Variants in SLC44A5 observed in about 807,000 individuals in gnomAD.
SLC44A5 encodes the protein solute carrier family 44 member 5, also known as choline transporter-like protein 5.
SLC44A5 carries 57 observed loss-of-function variants against 101.8 expected under a neutral mutation model. That is an observed-to-expected ratio of 0.56 (90% CI 0.45 to 0.70). The LOEUF is 0.70. Among genes scored for constraint, SLC44A5 ranks in the 30% least tolerant of loss-of-function variants. SLC44A5 has a pLI of 0.00. For synonymous variants in SLC44A5, 281 were observed against 290.9 expected (o/e 0.97, Z 0.35); for missense variants, 737 against 853.1 (o/e 0.86, Z 1.70).
chr1:75,448,393 C>A (rs1665709661), intron 2 of SLC44A5, among the ~76,000 whole-genome samples: 1 of 152,050 alleles, frequency 6.6e-6, no homozygotes, highest in South Asian at 2.1e-4. Flanking sequence ...GAATGTTGGC[C>A]CAAATTTAGT....
chr1:75,424,676 C>T (rs531131207), intron 2 of SLC44A5, among the ~76,000 whole-genome samples: 1 of 152,240 alleles, frequency 6.6e-6, no homozygotes, highest in Non-Finnish European at 1.5e-5. Context: ...AAAATGATGT[C>T]TGATTTTGTG....
intron 4 of SLC44A5, among the ~76,000 whole-genome samples, chr1:75,317,411 A>G (rs971264776): frequency 6.6e-6 from 1 of 152,242 alleles, no homozygotes; most frequent in Non-Finnish European, 1.5e-5. Context: ...TTGCTGGAAT[A>G]GATAAAAATT....
intron 2 of SLC44A5, among the ~76,000 whole-genome samples, chr1:75,483,746 C>G (rs912985430): frequency 6.6e-6 from 1 of 152,110 alleles, no homozygotes; most frequent in African/African-American, 2.4e-5. Context: ...TTTCATACTG[C>G]TATAAAGAGC....
At chr1:75,511,398 G>T (rs1169601293) in intron 2 of SLC44A5, among the ~76,000 whole-genome samples, 1 of 151,984 alleles carries the variant, frequency 6.6e-6, no homozygotes, top group Non-Finnish European at 1.5e-5. Flanking sequence ...ATACATAAAG[G>T]CTATGGATGG....
intron 1 of SLC44A5, among the ~76,000 whole-genome samples, chr1:75,586,952 G>A (rs984738458): frequency 1.1e-4 from 17 of 151,870 alleles, no homozygotes; most frequent in African/African-American, 3.1e-4. Context: ...AACTCTAGAC[G>A]TAGATAGAGT....
chr1:75,480,557 T>C (rs2101771739), intron 2 of SLC44A5, among the ~76,000 whole-genome samples: 1 of 152,250 alleles, frequency 6.6e-6, no homozygotes, highest in Non-Finnish European at 1.5e-5. Context: ...CAGCAAAATC[T>C]CAGGATACAA....
the SLC44A5 span, among the ~76,000 whole-genome samples, chr1:75,683,660 G>T: frequency 1.3e-5 from 2 of 152,116 alleles, no homozygotes; most frequent in Non-Finnish European, 2.9e-5. Flanking sequence ...AATGCTAGAT[G>T]ACGAGTTAGT....
At chr1:75,475,724 C>A (rs1667350811) in intron 2 of SLC44A5, among the ~76,000 whole-genome samples, 1 of 152,154 alleles carries the variant, frequency 6.6e-6, no homozygotes, top group South Asian at 2.1e-4. Flanking sequence ...TATCTCAGCT[C>A]TAATCAGAGA....
chr1:75,222,302 C>G (rs912271255), intron 14 of SLC44A5, 59 bp downstream of exon 14: 7 of 1,233,840 alleles, frequency 5.7e-6, no homozygotes, highest in Non-Finnish European at 8.4e-6. Context: ...ATGCAAGGGA[C>G]AGTGACTGAT....
Position 75,237,110 on chromosome 1 carries a change from G to T in SLC44A5, c.657-40C>A, listed in dbSNP as rs75659295. The T allele has an allele frequency of 1.5e-3, 1,788 of 1,220,510 alleles. 15 individuals carry two copies. The African/African-American group carries it at 0.024, about 16-fold the overall frequency. The allele number at this position is 1,220,510 out of a possible 1,614,324, so 75.6% of individuals were successfully genotyped here. A position where few individuals can be genotyped will look rare whatever the true frequency, so the allele number is the denominator to read the frequency against. On this transcript the variant is annotated intron_variant, in intron 10 of 23. Transcript: ENST00000370859. ...GGGAAAAAATCAATTATTTTTTGAT[G>T]ACCACTAAACAGAAATGTTCTTTTT...
rs147352612 is a variant in SLC44A5 at position 75,304,437 on chromosome 1, G to A, written c.102-3752C>T. 4.1e-3 allele frequency among the ~76,000 whole-genome samples: 618 copies of A among 152,054 alleles called. 7 individuals are homozygous for A. The highest frequency in any genetic ancestry group is 0.014 in the African/African-American group (582 of 41,476). ...TATAATTAGTGCTTAGAAAGTTACC[G>A]GAAAATTGAATGTGAACAAATCAAA... On this transcript the variant is annotated intron_variant, in intron 4 of 23. Transcript: ENST00000370859.
intron 1 of SLC44A5, among the ~76,000 whole-genome samples, chr1:75,586,773 A>T (rs1350026461): frequency 6.6e-6 from 1 of 152,206 alleles, no homozygotes; most frequent in East Asian, 1.9e-4. Flanking sequence ...TTGAAGGCAG[A>T]AATCAGATCA....
chr1:75,388,661 C>T lies in SLC44A5; in HGVS notation c.52+7922G>A, dbSNP rs375487688. Among the ~76,000 whole-genome samples, 44 of 152,138 alleles carry T rather than the reference C, an allele frequency of 2.9e-4. No homozygotes were observed. In the South Asian group the frequency reaches 8.9e-3, roughly 31 times the overall value. Reference sequence around the variant, plus strand: ...AGGCGTGGTGGCGGGCGCCTGTGGTCCCAGCAACTTGGGAGGCTGAGGCAG... The same window carrying T: ...AGGCGTGGTGGCGGGCGCCTGTGGTTCCAGCAACTTGGGAGGCTGAGGCAG... On this transcript the variant is annotated intron_variant, in intron 3 of 23. Transcript: ENST00000370859.
intron 3 of SLC44A5, among the ~76,000 whole-genome samples, chr1:75,359,658 T>C (rs948523825): frequency 2.6e-5 from 4 of 152,172 alleles, no homozygotes; most frequent in African/African-American, 9.7e-5. Flanking sequence ...CTATAACATA[T>C]TGATTTCAAT....
chr1:75,495,807 T>G (rs1399006192), intron 2 of SLC44A5, among the ~76,000 whole-genome samples: 1 of 152,074 alleles, frequency 6.6e-6, no homozygotes, highest in Non-Finnish European at 1.5e-5. Context: ...TTTTTAAAAT[T>G]TTTAGTTTTT....
chr1:75,641,203 T>A, the SLC44A5 span: 1 of 273,294 alleles, frequency 3.7e-6, no homozygotes, highest in African/African-American at 2.2e-5. Context: ...TTTTTATTTT[T>A]AAATATTTTA....
chr1:75,339,802 C>T (rs111609118), intron 3 of SLC44A5, among the ~76,000 whole-genome samples, 172 bp from the exon 4 acceptor site: 124 of 152,234 alleles, frequency 8.1e-4, no homozygotes, highest in African/African-American at 2.9e-3. Flanking sequence ...TCAATTCTTT[C>T]TCCTATCTCC....
chr1:75,340,778 C>T (rs1657817316), intron 3 of SLC44A5, among the ~76,000 whole-genome samples: 1 of 152,156 alleles, frequency 6.6e-6, no homozygotes, highest in South Asian at 2.1e-4. Flanking sequence ...TTAGAATGGA[C>T]AACGAGTTAT....
chr1:75,625,596 T>A, the SLC44A5 span, among the ~76,000 whole-genome samples: 1 of 152,168 alleles, frequency 6.6e-6, no homozygotes, highest in Non-Finnish European at 1.5e-5. Flanking sequence ...ATGATACACT[T>A]TGTGACTTTT....
Sources: gnomAD v4.1 joint callset for allele counts (sites outside exome capture counted in the v4.1 genomes callset) on GRCh38, gnomAD v4.1.1 for gene constraint, MANE v1.5 for transcripts, NCBI Gene and HGNC (gene_info 2026-07-23, HGNC 2026-07-21) for gene names.